Variants in MDGA2 observed in about 807,000 individuals in gnomAD.
MDGA2 encodes the protein MAM domain-containing glycosylphosphatidylinositol anchor protein 2.
A neutral mutation model predicts 117.8 loss-of-function variants in MDGA2; 40 were observed. That is an observed-to-expected ratio of 0.34 (90% confidence interval 0.26 to 0.44). The LOEUF (loss-of-function observed/expected upper bound fraction) is 0.44, where lower values mean the gene tolerates loss of function less well. Among genes scored for constraint, MDGA2 ranks in the 20% least tolerant of loss-of-function variants. The pLI is 1.00. For missense variants in MDGA2, 1,123 were observed against 1,250.6 expected (o/e 0.90, Z 1.54); for synonymous variants, 452 against 439.0 (o/e 1.03, Z -0.37).
intron 10 of MDGA2, among the ~76,000 whole-genome samples, chr14:46,896,167 T>C (rs912839057): frequency 2.6e-5 from 4 of 152,176 alleles, no homozygotes; most frequent in African/African-American, 9.6e-5. Context: ...TTGGTTAATA[T>C]ATTTTCATAG....
chr14:47,302,692 G>C (rs1312512229), intron 1 of MDGA2, among the ~76,000 whole-genome samples: 1 of 151,974 alleles, frequency 6.6e-6, no homozygotes, highest in Non-Finnish European at 1.5e-5. Flanking sequence ...AGATTATAAG[G>C]CCAACTCATG....
chr14:46,858,420 CTTT>C (rs1290946615), intron 14 of MDGA2, among the ~76,000 whole-genome samples: 2 of 109,808 alleles, frequency 1.8e-5, no homozygotes, highest in Non-Finnish European at 3.9e-5. Flanking sequence ...TTTTCTTTTT[CTTT>C]TTTTCTTTTT....
chr14:46,860,980 G>A (rs138543625), intron 14 of MDGA2, among the ~76,000 whole-genome samples: 245 of 151,892 alleles, frequency 1.6e-3, no homozygotes, highest in Non-Finnish European at 2.1e-3. Flanking sequence ...AGAACCTCAT[G>A]TTTTTCCTCT....
In MDGA2 at chr14:46,887,282, C is replaced by T. The variant is rs564525977; in HGVS notation, c.2239-5061G>A. ...CTAGCAGGTAGTAACTATATTTAGCCCTATTTCATGAATGAAAAAACTGAG... is the reference window on the plus strand; with the variant it reads ...CTAGCAGGTAGTAACTATATTTAGCTCTATTTCATGAATGAAAAAACTGAG... On this transcript the variant is annotated intron_variant, in intron 10 of 16. Transcript: ENST00000399232. Among the ~76,000 whole-genome samples the T allele has an allele frequency of 1.4e-4, 22 of 151,990 alleles. 1 individual carries two copies. Among genetic ancestry groups the T allele is most frequent in the African/African-American group, 5.3e-4 (22 of 41,504 alleles).
intron 3 of MDGA2, among the ~76,000 whole-genome samples, chr14:47,178,244 A>T (rs1884556725): frequency 6.6e-6 from 1 of 152,218 alleles, no homozygotes; most frequent in Admixed American, 6.6e-5. Flanking sequence ...AAAACAAGAA[A>T]TGCACATTTG....
intron 2 of MDGA2, 37 bp from the exon 3 acceptor site, chr14:47,218,232 G>T: frequency 6.9e-7 from 1 of 1,445,710 alleles, no homozygotes; most frequent in Non-Finnish European, 9.2e-7. Context: ...ACTTTAGGTT[G>T]GTTTTCCCAC....
chr14:46,992,068 C>T (rs531512997), intron 8 of MDGA2, among the ~76,000 whole-genome samples: 2 of 152,236 alleles, frequency 1.3e-5, no homozygotes, highest in East Asian at 3.9e-4. Context: ...CCTAACAATA[C>T]ACTCTTTCTG....
chr14:47,520,366 G>C (rs17684860), intron 1 of MDGA2, among the ~76,000 whole-genome samples: 18,578 of 152,134 alleles, frequency 0.12, 1,324 homozygotes, highest in Non-Finnish European at 0.14. Context: ...CACTGAAAAT[G>C]ATCATCCAAA....
intron 1 of MDGA2, among the ~76,000 whole-genome samples, chr14:47,430,175 T>C (rs1175417515): frequency 2.0e-5 from 3 of 151,848 alleles, no homozygotes; most frequent in Admixed American, 6.6e-5. Flanking sequence ...CAAGGCAGTG[T>C]TGTGATCTGA....
chr14:47,461,728 A>G (rs1317258366), intron 1 of MDGA2, among the ~76,000 whole-genome samples: 1 of 152,218 alleles, frequency 6.6e-6, no homozygotes, highest in Non-Finnish European at 1.5e-5. Flanking sequence ...GTAGGTATGT[A>G]TTGAAAAGAA....
intron 1 of MDGA2, among the ~76,000 whole-genome samples, chr14:47,397,461 C>T (rs1383564804): frequency 1.3e-5 from 2 of 151,670 alleles, no homozygotes; most frequent in African/African-American, 4.8e-5. Context: ...ACGTGTATCC[C>T]AGAGCTTAAA....
intron 1 of MDGA2, among the ~76,000 whole-genome samples, chr14:47,652,710 T>C (rs1313942683): frequency 6.6e-6 from 1 of 152,154 alleles, no homozygotes; most frequent in African/African-American, 2.4e-5. Context: ...TAGTACCTTA[T>C]AACTCTTTAG....
At chr14:47,168,089 C>T (rs1031489098) in intron 3 of MDGA2, among the ~76,000 whole-genome samples, 2 of 151,990 alleles carry the variant, frequency 1.3e-5, no homozygotes, top group Non-Finnish European at 2.9e-5. Context: ...ATCTGTATGG[C>T]CTGGATGCAA....
At chr14:47,506,635 C>CA (rs1439026490) in intron 1 of MDGA2, among the ~76,000 whole-genome samples, 1 of 152,172 alleles carries the variant, frequency 6.6e-6, no homozygotes, top group Non-Finnish European at 1.5e-5. Context: ...AGCCACTAGC[C>CA]AAACAGGTGG....
At chr14:47,360,917 G>A (rs1443133580) in intron 1 of MDGA2, among the ~76,000 whole-genome samples, 1 of 152,076 alleles carries the variant, frequency 6.6e-6, no homozygotes, top group Admixed American at 6.5e-5. Context: ...AGAGTAACAA[G>A]TAGTTACCAG....
At chr14:47,159,532 G>A (rs996208261) in intron 3 of MDGA2, among the ~76,000 whole-genome samples, 7 of 152,024 alleles carry the variant, frequency 4.6e-5, no homozygotes, top group African/African-American at 7.2e-5. Flanking sequence ...TAGTTGTATC[G>A]AATTTTGCCT....
chr14:47,395,865 G>C (rs984476728), intron 1 of MDGA2, among the ~76,000 whole-genome samples: 2 of 152,090 alleles, frequency 1.3e-5, no homozygotes, highest in African/African-American at 4.8e-5. Context: ...GTTTAAATAT[G>C]TGTTAGGTTA....
At chr14:47,141,074 G>A (rs1882696220) in intron 4 of MDGA2, among the ~76,000 whole-genome samples, 1 of 152,068 alleles carries the variant, frequency 6.6e-6, no homozygotes, top group Non-Finnish European at 1.5e-5. Flanking sequence ...TTAGGGACAT[G>A]CAAAACAAAA....
chr14:46,886,886 A>T (rs971608866), intron 10 of MDGA2, among the ~76,000 whole-genome samples: 5 of 152,026 alleles, frequency 3.3e-5, no homozygotes, highest in African/African-American at 1.2e-4. Context: ...GGTACTCTGT[A>T]TTAGTGGTTC....
Sources: gnomAD v4.1 joint callset for allele counts (sites outside exome capture counted in the v4.1 genomes callset) on GRCh38, gnomAD v4.1.1 for gene constraint, MANE v1.5 for transcripts, NCBI Gene and HGNC (gene_info 2026-07-23, HGNC 2026-07-21) for gene names.